Variants in THSD7A observed in about 807,000 individuals in gnomAD.
THSD7A encodes the protein thrombospondin type-1 domain-containing protein 7A.
In THSD7A, 96 loss-of-function variants were observed where a neutral mutation model predicts 231.3. The ratio of observed to expected loss-of-function variants is 0.41; its 90% CI spans 0.35 to 0.49. The LOEUF is 0.49. THSD7A is among the 20% of genes least tolerant of loss of function. The pLI, the probability that THSD7A is intolerant of heterozygous loss-of-function variation, is 0.05. For missense variants in THSD7A, 2,290 were observed against 2,070.2 expected, an observed-to-expected ratio of 1.11 and a Z score of -2.06; for synonymous variants, 940 against 743.3, an observed-to-expected ratio of 1.26 and a Z score of -4.30.
chr7:11,493,477 A>G (rs368519763), intron 6 of THSD7A, among the ~76,000 whole-genome samples: 7 of 152,086 alleles, frequency 4.6e-5, no homozygotes, highest in African/African-American at 1.7e-4. Context: ...AGGGGAAGAT[A>G]TTAGGGTTAT....
intron 6 of THSD7A, among the ~76,000 whole-genome samples, chr7:11,504,731 T>A (rs1787474288): frequency 6.6e-6 from 1 of 152,180 alleles, no homozygotes; most frequent in East Asian, 1.9e-4. Flanking sequence ...TAGCAAAATT[T>A]GAGATTCAAC....
intron 1 of THSD7A, among the ~76,000 whole-genome samples, chr7:11,678,637 A>G (rs546488226): frequency 6.6e-6 from 1 of 152,172 alleles, no homozygotes; most frequent in Non-Finnish European, 1.5e-5. Context: ...CCCTCCCAAG[A>G]CTAAACCAGG....
Position 11,500,202 on chromosome 7 carries a change from T to A in THSD7A, c.1823-18220A>T, listed in dbSNP as rs148930246. ...AAGAAAAGAAAAAAAAATCTTCAAC[T>A]AACACTTTCAAATCTAGCCAAACTA... On this transcript the variant is annotated intron_variant, in intron 6 of 27. Coordinates refer to ENST00000423059, the MANE Select transcript of THSD7A (RefSeq NM_015204.3). Among the ~76,000 whole-genome samples, 79 of 152,248 alleles carry A rather than the reference T, an allele frequency of 5.2e-4. 1 individual carries two copies. Among genetic ancestry groups the A allele is most frequent in the African/African-American group, 1.8e-3 (75 of 41,548 alleles).
At chr7:11,798,538 A>G (rs1327756523) in intron 1 of THSD7A, among the ~76,000 whole-genome samples, 1 of 152,078 alleles carries the variant, frequency 6.6e-6, no homozygotes, top group Non-Finnish European at 1.5e-5. Flanking sequence ...TAAAAATTGT[A>G]CAAAACATGT....
chr7:11,508,893 A>C lies in THSD7A; in HGVS notation c.1823-26911T>G, dbSNP rs911950689. Among the ~76,000 whole-genome samples the C allele has an allele frequency of 1.4e-4, 22 of 152,356 alleles. 1 individual carries two copies. The South Asian group carries it at 1.9e-3, about 13-fold the overall frequency. On this transcript the variant is annotated intron_variant, in intron 6 of 27. Coordinates refer to ENST00000423059, the MANE Select transcript of THSD7A (RefSeq NM_015204.3). ...CTTATATGAGATATATAAAATAGTT[A>C]AATTCATAGAATCAAAGAGTAGAAT...
chr7:11,557,136 C>T (rs1789879807), intron 4 of THSD7A, among the ~76,000 whole-genome samples: 1 of 152,020 alleles, frequency 6.6e-6, no homozygotes. Context: ...CCACAGGTCT[C>T]TGAAATACTT....
At chr7:11,826,897 T>C (rs1785048238) in intron 1 of THSD7A, among the ~76,000 whole-genome samples, 1 of 152,116 alleles carries the variant, frequency 6.6e-6, no homozygotes, top group Non-Finnish European at 1.5e-5. Context: ...ATAAATGCTA[T>C]GCCTCTTGTG....
intron 6 of THSD7A, among the ~76,000 whole-genome samples, chr7:11,523,262 A>G (rs1346983511): frequency 6.6e-6 from 1 of 152,112 alleles, no homozygotes; most frequent in Admixed American, 6.5e-5. Flanking sequence ...AAAAGTCTTT[A>G]TAGTAATATG....
intron 2 of THSD7A, among the ~76,000 whole-genome samples, chr7:11,608,124 A>C (rs1383613172): frequency 6.6e-6 from 1 of 152,146 alleles, no homozygotes; most frequent in Non-Finnish European, 1.5e-5. Context: ...ACCCAAGCCC[A>C]CCTCAAGTGA....
intron 1 of THSD7A, among the ~76,000 whole-genome samples, chr7:11,788,181 A>T (rs11976664): frequency 1.3e-5 from 2 of 152,068 alleles, no homozygotes; most frequent in Non-Finnish European, 2.9e-5. Flanking sequence ...TATTTGTGTC[A>T]TTAATATCTC....
rs140302003 is a variant in THSD7A at position 11,419,205 on chromosome 7, C to G, written c.3384-1602G>C. Among the ~76,000 whole-genome samples, 8 of 152,240 alleles carry G rather than the reference C, an allele frequency of 5.3e-5. No individual in the cohort carries two copies. In the East Asian group the frequency reaches 1.5e-3, roughly 29 times the overall value. On this transcript the variant is annotated intron_variant, in intron 16 of 27. Coordinates refer to ENST00000423059, the MANE Select transcript of THSD7A (RefSeq NM_015204.3). ...TAAATCTTTATTTTCAAAGATTTCTCTTGATATGATTTGGCTGTGTGTCCC... is the reference window on the plus strand; with the variant it reads ...TAAATCTTTATTTTCAAAGATTTCTGTTGATATGATTTGGCTGTGTGTCCC...
In THSD7A at chr7:11,375,051, A is replaced by T. The variant is rs1782208414; in HGVS notation, c.*743T>A. ...AGGCAACCAGTTTGAAAATCAGGGA[A>T]AGTAGAAACGTATTGTATTAACACA... On this transcript the variant is annotated 3_prime_UTR_variant, in exon 28 of 28. Coordinates refer to ENST00000423059, the MANE Select transcript of THSD7A (RefSeq NM_015204.3). 1 of 152,114 alleles carries T rather than the reference A, an allele frequency of 6.6e-6. No homozygotes were observed. Among genetic ancestry groups the T allele is most frequent in the Non-Finnish European group, 1.5e-5 (1 of 68,018 alleles). 9.4% of individuals were successfully genotyped at this position (152,114 alleles called of 1,614,324 possible). A position where few individuals can be genotyped will look rare whatever the true frequency, so the allele number is the denominator to read the frequency against.
intron 6 of THSD7A, among the ~76,000 whole-genome samples, chr7:11,511,729 A>G (rs1297414401): frequency 1.3e-5 from 2 of 152,254 alleles, no homozygotes; most frequent in African/African-American, 4.8e-5. Flanking sequence ...CTGGCTAGCC[A>G]TATGTAGAAA....
intron 2 of THSD7A, among the ~76,000 whole-genome samples, chr7:11,608,551 G>T (rs1301143986): frequency 6.6e-6 from 1 of 152,052 alleles, no homozygotes; most frequent in East Asian, 1.9e-4. Flanking sequence ...CCATTGCTTG[G>T]ACAACCTGGA....
At chr7:11,650,310 C>G (rs538300009) in intron 1 of THSD7A, among the ~76,000 whole-genome samples, 1 of 152,004 alleles carries the variant, frequency 6.6e-6, no homozygotes, top group Non-Finnish European at 1.5e-5. Flanking sequence ...CCTGCATCTT[C>G]TGAATCTTTG....
At chr7:11,817,345 G>A (rs931697230) in intron 1 of THSD7A, among the ~76,000 whole-genome samples, 6 of 152,192 alleles carry the variant, frequency 3.9e-5, no homozygotes, top group African/African-American at 1.4e-4. Flanking sequence ...CCAACCTCCA[G>A]CATTGCCTGC....
intron 1 of THSD7A, among the ~76,000 whole-genome samples, chr7:11,798,138 C>T (rs1784178933): frequency 6.6e-6 from 1 of 152,062 alleles, no homozygotes; most frequent in Non-Finnish European, 1.5e-5. Context: ...CAGAAGACAG[C>T]ATGATTATTA....
At chr7:11,785,147 C>A (rs1186921552) in intron 1 of THSD7A, among the ~76,000 whole-genome samples, 1 of 152,178 alleles carries the variant, frequency 6.6e-6, no homozygotes, top group Non-Finnish European at 1.5e-5. Context: ...TTTCTAAACA[C>A]ACCCAGCCAG....
At chr7:11,787,269 G>T (rs1382442473) in intron 1 of THSD7A, among the ~76,000 whole-genome samples, 1 of 138,202 alleles carries the variant, frequency 7.2e-6, no homozygotes, top group African/African-American at 3.0e-5. Flanking sequence ...ACTCAAAATG[G>T]ACCACAAGAC....
Sources: gnomAD v4.1 joint callset for allele counts (sites outside exome capture counted in the v4.1 genomes callset) on GRCh38, gnomAD v4.1.1 for gene constraint, MANE v1.5 for transcripts, NCBI Gene and HGNC (gene_info 2026-07-23, HGNC 2026-07-21) for gene names.